The following MAPKAP1 variants were observed in gnomAD, a reference collection of about 807,000 sequenced individuals.
MAPKAP1 encodes the protein MAPK associated protein 1, also known as target of rapamycin complex 2 subunit MAPKAP1.
MAPKAP1 carries 20 observed loss-of-function variants against 65.7 expected under a neutral mutation model. That is an observed-to-expected ratio of 0.30 (90% CI 0.21 to 0.44). MAPKAP1 has a LOEUF of 0.44. Ranked by LOEUF, MAPKAP1 falls within the 20% of genes least tolerant of loss-of-function variation. The pLI, the probability that MAPKAP1 is intolerant of heterozygous loss-of-function variation, is 1.00. For missense variants in MAPKAP1, 423 were observed against 648.0 expected (o/e 0.65, Z 3.77); for synonymous variants, 222 against 244.3 (o/e 0.91, Z 0.85).
At chr9:125,596,453 C>G in intron 4 of MAPKAP1, 1 of 761,586 alleles carries the variant, frequency 1.3e-6, no homozygotes, top group Non-Finnish European at 2.4e-6. Flanking sequence ...TACAATGATT[C>G]TGGCAATTAC....
At chr9:125,625,253 A>AAT in intron 4 of MAPKAP1, among the ~76,000 whole-genome samples, 4 of 39,100 alleles carry the variant, frequency 1.0e-4, no homozygotes, top group African/African-American at 2.1e-4. Flanking sequence ...AAAATAAATA[A>AAT]ATAAAAAAAA....
intron 4 of MAPKAP1, among the ~76,000 whole-genome samples, chr9:125,614,073 C>T (rs1832678958): frequency 6.6e-6 from 1 of 152,112 alleles, no homozygotes; most frequent in African/African-American, 2.4e-5. Context: ...GCTGGGATTA[C>T]AGGCGTGAGC....
intron 7 of MAPKAP1, among the ~76,000 whole-genome samples, chr9:125,513,458 A>G (rs1829367716): frequency 6.6e-6 from 1 of 152,204 alleles, no homozygotes. Flanking sequence ...AAAAAAGCTA[A>G]GTGTGAGCAG....
At chr9:125,678,147 G>A (rs1834707195) in intron 1 of MAPKAP1, among the ~76,000 whole-genome samples, 1 of 152,116 alleles carries the variant, frequency 6.6e-6, no homozygotes. Context: ...TGAACTCCTA[G>A]GCTCAAGCTA....
At chr9:125,587,889 AAAC>A (rs141609980) in intron 4 of MAPKAP1, among the ~76,000 whole-genome samples, 2 of 152,338 alleles carry the variant, frequency 1.3e-5, no homozygotes, top group East Asian at 1.9e-4. Flanking sequence ...CAAAAACTCC[AAAC>A]AACAACCCAA....
intron 4 of MAPKAP1, among the ~76,000 whole-genome samples, chr9:125,603,096 CAG>C (rs1485013927): frequency 6.6e-6 from 1 of 151,396 alleles, no homozygotes; most frequent in Non-Finnish European, 1.5e-5. Context: ...TTTATAGAGA[CAG>C]AGTCTCAATT....
chr9:125,500,386 G>A (rs1828939689), intron 8 of MAPKAP1, among the ~76,000 whole-genome samples: 1 of 151,536 alleles, frequency 6.6e-6, no homozygotes, highest in African/African-American at 2.4e-5. Context: ...GTAGAGATGG[G>A]GTTTCACCGT....
intron 1 of MAPKAP1, among the ~76,000 whole-genome samples, chr9:125,687,423 C>G (rs1163904353): frequency 6.6e-6 from 1 of 152,086 alleles, no homozygotes; most frequent in South Asian, 2.1e-4. Context: ...ACTGTTTCCT[C>G]TACAGTGAAA....
intron 4 of MAPKAP1, among the ~76,000 whole-genome samples, chr9:125,597,637 T>C (rs946876991): frequency 3.2e-4 from 48 of 152,234 alleles, no homozygotes; most frequent in Admixed American, 2.9e-3. Context: ...CAGCTTAGCT[T>C]CTGCAATTAA....
Position 125,517,304 on chromosome 9 carries a change from A to G in MAPKAP1, c.959-10887T>C, listed in dbSNP as rs1829490865. 1.3e-5 allele frequency among the ~76,000 whole-genome samples: 2 copies of G among 152,138 alleles called. 1 individual carries two copies. Among genetic ancestry groups the G allele is most frequent in the South Asian group, 4.1e-4 (2 of 4,828 alleles). ...AGGGAAGAGTAGGAAGTTGATCTTG[A>G]GGGGGTCAAAACTGAGAGTCCATCA... is the stretch of plus-strand genomic sequence containing the variant. On this transcript the variant is annotated intron_variant, in intron 7 of 11. Coordinates refer to ENST00000265960, the MANE Select transcript of MAPKAP1 (RefSeq NM_001006617.3).
chr9:125,596,590 A>G (rs1589324754), intron 4 of MAPKAP1: 1 of 675,276 alleles, frequency 1.5e-6, no homozygotes, highest in East Asian at 2.9e-5. Context: ...TGGCAGTTCC[A>G]GTAGCAGCAG....
intron 5 of MAPKAP1, among the ~76,000 whole-genome samples, chr9:125,577,792 C>T (rs1468662647): frequency 3.4e-5 from 5 of 148,576 alleles, no homozygotes; most frequent in African/African-American, 5.0e-5. Context: ...CCAGCCGCCC[C>T]GTCCAGGAGG....
chr9:125,554,966 A>C (rs554738471), intron 6 of MAPKAP1, among the ~76,000 whole-genome samples: 2 of 152,210 alleles, frequency 1.3e-5, no homozygotes, highest in African/African-American at 4.8e-5. Context: ...GAAAATCAAA[A>C]GACTCAAGTT....
chr9:125,662,561 T>C (rs1564607054), intron 3 of MAPKAP1, among the ~76,000 whole-genome samples: 1 of 152,074 alleles, frequency 6.6e-6, no homozygotes, highest in African/African-American at 2.4e-5. Flanking sequence ...CGGGCACCCG[T>C]AGTCCCAGCT....
At chr9:125,664,835 G>T (rs1456970359) in intron 3 of MAPKAP1, among the ~76,000 whole-genome samples, 5 of 152,034 alleles carry the variant, frequency 3.3e-5, no homozygotes, top group Admixed American at 2.6e-4. Flanking sequence ...ATGGGAGGGA[G>T]CAGAGCAGAG....
At position 125,439,544 on chromosome 9, in the gene MAPKAP1, C is replaced by G. The variant is rs771068354; in HGVS notation, c.1444-532G>C. Among the ~76,000 whole-genome samples, 3 of 152,194 alleles carry G rather than the reference C, an allele frequency of 2.0e-5. No homozygotes were observed. The highest frequency in any genetic ancestry group is 4.4e-5 in the Non-Finnish European group (3 of 68,024). On this transcript the variant is annotated intron_variant, in intron 11 of 11. Coordinates refer to ENST00000265960, the MANE Select transcript of MAPKAP1 (RefSeq NM_001006617.3). This position sits in a 1 kb window ranked among gnomAD's most constrained non-coding sequence, Gnocchi z 4.0. ...GCCCAGCCAGGCAGGGCTCACTTGA[C>G]AAAAAGGAAAGAGGCTCAGAGAGGG...
intron 4 of MAPKAP1, among the ~76,000 whole-genome samples, chr9:125,634,407 C>T (rs1432519602): frequency 6.6e-6 from 1 of 152,166 alleles, no homozygotes; most frequent in Non-Finnish European, 1.5e-5. Context: ...AACACAGTTG[C>T]ATTTCTAGGA....
chr9:125,450,105 C>A (rs1370687207), intron 10 of MAPKAP1, among the ~76,000 whole-genome samples: 6 of 151,792 alleles, frequency 4.0e-5, no homozygotes, highest in Admixed American at 3.9e-4. Flanking sequence ...TTTTTACTTT[C>A]CATCTGCCTT....
intron 5 of MAPKAP1, among the ~76,000 whole-genome samples, chr9:125,570,486 C>T (rs1478364199): frequency 1.3e-5 from 2 of 152,192 alleles, no homozygotes; most frequent in Non-Finnish European, 2.9e-5. Context: ...TGCACTTCTG[C>T]CTGGTGTGTC....
Sources: gnomAD v4.1 joint callset for allele counts (sites outside exome capture counted in the v4.1 genomes callset) on GRCh38, gnomAD v4.1.1 for gene constraint, Gnocchi (gnomAD v3.1) non-coding constraint, MANE v1.5 for transcripts, NCBI Gene and HGNC (gene_info 2026-07-23, HGNC 2026-07-21) for gene names.